PTPRD: variants seen among roughly 807,000 people sequenced by gnomAD.
PTPRD encodes receptor-type tyrosine-protein phosphatase delta.
PTPRD carries 34 observed loss-of-function variants against 214.5 expected under a neutral mutation model. The ratio of observed to expected loss-of-function variants is 0.16; its 90% CI spans 0.12 to 0.21. The LOEUF (loss-of-function observed/expected upper bound fraction) is 0.21, where lower values mean the gene tolerates loss of function less well. PTPRD is among the 10% of genes least tolerant of loss of function. The pLI, the probability that PTPRD is intolerant of heterozygous loss-of-function variation, is 1.00. For missense variants in PTPRD, 2,545 were observed against 2,398.7 expected, an observed-to-expected ratio of 1.06 and a Z score of -1.27; for synonymous variants, 1,128 against 845.7, an observed-to-expected ratio of 1.33 and a Z score of -5.79.
At chr9:8,783,704 C>A (rs191102634) in intron 11 of PTPRD, among the ~76,000 whole-genome samples, 1 of 152,130 alleles carries the variant, frequency 6.6e-6, no homozygotes, top group Non-Finnish European at 1.5e-5. Context: ...AGATGACAAA[C>A]GGCTCAGTTC....
chr9:10,530,269 T>C (rs2055808982), intron 2 of PTPRD, among the ~76,000 whole-genome samples: 1 of 141,722 alleles, frequency 7.1e-6, no homozygotes, highest in Non-Finnish European at 1.5e-5. Context: ...TTATACTTAG[T>C]TCATTATTTA....
chr9:9,364,925 C>T (rs2057429284), intron 9 of PTPRD, among the ~76,000 whole-genome samples: 1 of 151,368 alleles, frequency 6.6e-6, no homozygotes, highest in Admixed American at 6.6e-5. Flanking sequence ...GTGGCTTAGA[C>T]TGGAGCAGCA....
chr9:8,751,031 C>T (rs2093470858), intron 11 of PTPRD, among the ~76,000 whole-genome samples: 1 of 152,088 alleles, frequency 6.6e-6, no homozygotes, highest in Non-Finnish European at 1.5e-5. Flanking sequence ...GTCTTTTGAC[C>T]CTTTATAAAA....
At chr9:9,652,623 T>C (rs1037955719) in intron 7 of PTPRD, among the ~76,000 whole-genome samples, 4 of 152,064 alleles carry the variant, frequency 2.6e-5, no homozygotes, top group Middle Eastern at 3.2e-3. Flanking sequence ...ACCACTTTTT[T>C]TTTTTTTTGA....
At chr9:10,030,103 C>A (rs1402785514) in intron 4 of PTPRD, among the ~76,000 whole-genome samples, 1 of 152,166 alleles carries the variant, frequency 6.6e-6, no homozygotes, top group Non-Finnish European at 1.5e-5. Context: ...ATTGTGAGGC[C>A]TCCCCAGACA....
chr9:8,519,689 T>C (rs1032088502), intron 20 of PTPRD, among the ~76,000 whole-genome samples: 3 of 152,156 alleles, frequency 2.0e-5, no homozygotes, highest in African/African-American at 7.2e-5. Context: ...AATAAATGAG[T>C]CAGCACCCAT....
intron 11 of PTPRD, among the ~76,000 whole-genome samples, chr9:8,789,210 G>T (rs1458116643): frequency 6.6e-6 from 1 of 151,982 alleles, no homozygotes; most frequent in African/African-American, 2.4e-5. Context: ...TTCTACTAAT[G>T]AATTGTTTTT....
At chr9:8,714,074 A>T (rs1379131561) in intron 12 of PTPRD, among the ~76,000 whole-genome samples, 1 of 152,152 alleles carries the variant, frequency 6.6e-6, no homozygotes, top group African/African-American at 2.4e-5. Flanking sequence ...AATAATGAAT[A>T]ACGGCCCTAA....
chr9:8,451,922 T>A (rs1427707209), intron 33 of PTPRD: 3 of 494,132 alleles, frequency 6.1e-6, no homozygotes, highest in Non-Finnish European at 1.2e-5. Context: ...AACCTCCTTA[T>A]CTTCTTTTTC....
chr9:9,837,940 C>T lies in PTPRD; in HGVS notation c.-367-71089G>A, dbSNP rs537383003. ...CCACTCCCCCAACCCCACAACAGTC[C>T]CCAGAGTATGATGTTCCCCTTCCTG... On this transcript the variant is annotated intron_variant, in intron 5 of 45. Transcript: ENST00000381196. Among the ~76,000 whole-genome samples the T allele has an allele frequency of 2.0e-5, 3 of 152,198 alleles. No individual in the cohort carries two copies. The East Asian group carries it at 5.8e-4, about 29-fold the overall frequency.
intron 8 of PTPRD, among the ~76,000 whole-genome samples, chr9:9,573,485 T>G (rs1331020025): frequency 6.6e-6 from 1 of 151,468 alleles, no homozygotes; most frequent in Non-Finnish European, 1.5e-5. Flanking sequence ...TCACTAAAAC[T>G]GCGCACTTAA....
At chr9:8,748,581 G>A (rs114103667) in intron 11 of PTPRD, among the ~76,000 whole-genome samples, 34 of 145,814 alleles carry the variant, frequency 2.3e-4, no homozygotes, top group Middle Eastern at 8.1e-3. Context: ...ACTTCTTCCC[G>A]TAATTGTCAC....
In PTPRD at chr9:9,717,405, G is replaced by T. The variant is rs183022511; in HGVS notation, c.-287+17128C>A. ...CTGTGAAGAAAGTCATTGGTAGCTTGATGGGGATGGTATTGAATCTATAAA... is the reference window on the plus strand; with the variant it reads ...CTGTGAAGAAAGTCATTGGTAGCTTTATGGGGATGGTATTGAATCTATAAA... On this transcript the variant is annotated intron_variant, in intron 7 of 45. Coordinates refer to ENST00000381196, the MANE Select transcript of PTPRD (RefSeq NM_002839.4). Among the ~76,000 whole-genome samples the T allele has an allele frequency of 3.7e-3, 567 of 152,302 alleles. 3 individuals are homozygous for T. Among genetic ancestry groups the T allele is most frequent in the African/African-American group, 0.013 (548 of 41,554 alleles).
intron 5 of PTPRD, among the ~76,000 whole-genome samples, chr9:9,837,417 A>G (rs992120327): frequency 1.3e-5 from 2 of 152,154 alleles, no homozygotes; most frequent in African/African-American, 4.8e-5. Context: ...GTCAATAACC[A>G]AATTTTAGGT....
At chr9:9,697,852 T>C (rs1024682463) in intron 7 of PTPRD, among the ~76,000 whole-genome samples, 1 of 152,176 alleles carries the variant, frequency 6.6e-6, no homozygotes, top group Non-Finnish European at 1.5e-5. Context: ...TTATTCATTA[T>C]TTTTCCTCTT....
chr9:9,884,551 G>A (rs1363659395), intron 5 of PTPRD, among the ~76,000 whole-genome samples: 2 of 152,112 alleles, frequency 1.3e-5, no homozygotes, highest in African/African-American at 4.8e-5. Flanking sequence ...GCAGGTAGAA[G>A]CTGGAAAGGC....
chr9:8,860,629 A>G lies in PTPRD; in HGVS notation c.-103-126683T>C, dbSNP rs768470963. On this transcript the variant is annotated intron_variant, in intron 11 of 45. Transcript: ENST00000381196. ...AGTGAGACTGCAGCCTGCTACACTC[A>G]TGTTAATATATTCAGAGCAGATTGG... The G allele has an allele frequency of 3.9e-5, 6 of 152,344 alleles. No individual in the cohort carries two copies. In the East Asian group the frequency reaches 7.7e-4, roughly 20 times the overall value. 9.4% of individuals were successfully genotyped at this position (152,344 alleles called of 1,614,324 possible). A position where few individuals can be genotyped will look rare whatever the true frequency, so the allele number is the denominator to read the frequency against.
chr9:9,853,991 T>C (rs1202470114), intron 5 of PTPRD, among the ~76,000 whole-genome samples: 1 of 152,222 alleles, frequency 6.6e-6, no homozygotes, highest in Non-Finnish European at 1.5e-5. Flanking sequence ...ATTTATCATT[T>C]CTTTGTGATG....
intron 11 of PTPRD, among the ~76,000 whole-genome samples, chr9:8,780,629 A>G (rs1270848870): frequency 1.3e-5 from 2 of 152,206 alleles, no homozygotes; most frequent in African/African-American, 4.8e-5. Flanking sequence ...CCAGGCTCTC[A>G]GTGTGTGTCA....
Sources: allele counts gnomAD v4.1 joint callset (sites outside exome capture counted in the v4.1 genomes callset), GRCh38; gene constraint gnomAD v4.1.1; transcripts MANE v1.5; gene names NCBI Gene and HGNC (gene_info 2026-07-23, HGNC 2026-07-21).